The following BEST2 variants were observed in gnomAD, a reference collection of about 807,000 sequenced individuals.
BEST2 encodes bestrophin 2.
Under a neutral mutation model 49.0 loss-of-function variants are expected in BEST2, and 36 were observed. That is an observed-to-expected ratio of 0.73 (90% CI 0.56 to 0.97). BEST2 has a LOEUF of 0.97. Ranked by LOEUF, BEST2 falls within the 50% of genes least tolerant of loss-of-function variation. The pLI, the probability that BEST2 is intolerant of heterozygous loss-of-function variation, is 0.00. For synonymous variants in BEST2, 335 were observed against 304.4 expected, an observed-to-expected ratio of 1.10 and a Z score of -1.05; for missense variants, 672 against 710.0, an observed-to-expected ratio of 0.95 and a Z score of 0.61.
In BEST2 at chr19:12,757,927, C is replaced by G. The variant is rs765795610; in HGVS notation, c.1380C>G (p.Pro460=). 9 of 1,569,702 alleles carry G rather than the reference C, an allele frequency of 5.7e-6. No individual in the cohort carries two copies. The highest frequency in any genetic ancestry group is 7.8e-6 in the Non-Finnish European group (9 of 1,159,528). Residue 460 remains proline (P), a synonymous_variant, in exon 10 of 10, where the codon CCC becomes CCG. Transcript: ENST00000553030. ...TGCTCGACCCCGGCCTGCCGGAGCC[C>G]GAGGCCCCGCCCCCTGCGGGTCCCG... ...DPLLDPGLPE[P]EAPPPAGPEP... is the part of the protein sequence containing the mutation.
Position 12,755,229 on chromosome 19 carries a change from C to A in BEST2, c.637-150C>A. 1 of 1,021,398 alleles carries A rather than the reference C, an allele frequency of 9.8e-7. No individual in the cohort carries two copies. 63.3% of individuals were successfully genotyped at this position (1,021,398 alleles called of 1,614,324 possible). On this transcript the variant is annotated intron_variant, in intron 5 of 9. Transcript: ENST00000553030. The surrounding 1 kb of genome is among the most constrained non-coding windows in gnomAD (Gnocchi z 4.4). ...GTGCATGGTACCTCATCCAGGTGCA[C>A]ACTCACCACCAAATACCCTCCCTGG...
At position 12,755,577 on chromosome 19, in the gene BEST2, C is replaced by T. The variant is rs777847305; in HGVS notation, c.715-38C>T. 6.8e-5 allele frequency: 110 copies of T among 1,609,214 alleles called. No individual in the cohort carries two copies. The highest frequency in any genetic ancestry group is 9.2e-5 in the Non-Finnish European group (108 of 1,176,830). ...ATGATGCCTAATCCTAGCCTTGGAC[C>T]CCAATGACCCCCCTGAGCCCTGCCC... On this transcript the variant is annotated intron_variant, in intron 6 of 9. Coordinates refer to ENST00000553030, the MANE Select transcript of BEST2 (RefSeq NM_017682.3). This position sits in a 1 kb window ranked among gnomAD's most constrained non-coding sequence, Gnocchi z 4.4.
At chr19:12,752,518 G>A (rs1045901047) in intron 1 of BEST2, 24 bp from the exon 2 acceptor site, 53 of 1,477,552 alleles carry the variant, frequency 3.6e-5, no homozygotes, top group African/African-American at 1.2e-4. Flanking sequence ...AGTTATCCCC[G>A]CACCTCTCCA....
chr19:12,755,975 C>T lies in BEST2; in HGVS notation c.948+40C>T. 6.2e-7 allele frequency: 1 copy of T among 1,603,626 alleles called. No individual in the cohort carries two copies. The highest frequency in any genetic ancestry group is 1.1e-5 in the South Asian group (1 of 90,724). On this transcript the variant is annotated intron_variant, in intron 8 of 9. Transcript: ENST00000553030. The surrounding 1 kb of genome is among the most constrained non-coding windows in gnomAD (Gnocchi z 4.4). ...CCAGGTGAGACTTCCAGGTGGCGAC[C>T]ATCCCGGAGTGCCCAACAGGGTTCT...
At chr19:12,757,493 A>T (rs1324817047) in intron 9 of BEST2, among the ~76,000 whole-genome samples, 158 bp from the exon 10 acceptor site, 1 of 152,256 alleles carries the variant, frequency 6.6e-6, no homozygotes, top group Non-Finnish European at 1.5e-5. Context: ...GTTGAAGTGC[A>T]AACACAGGGT....
rs764109442 is a variant in BEST2, at chr19:12,755,647, G to A, written c.747G>A (p.Leu249=). Residue 249 remains leucine (L), a synonymous_variant, in exon 7 of 10, where the codon CTG becomes CTA. Transcript: ENST00000553030. This position sits in a 1 kb window ranked among gnomAD's most constrained non-coding sequence, Gnocchi z 4.4. The stretch of plus-strand genomic sequence containing the variant: ...CCATCGCACTGTACAGCTACTTCCT[G>A]GCTTGCCTCATTGGTCGCCAGTTCC... ...VVTIALYSYF[L]ACLIGRQFLD... is the part of the protein sequence containing the mutation. The A allele has an allele frequency of 2.5e-6, 4 of 1,613,838 alleles. No individual in the cohort carries two copies. Among genetic ancestry groups the A allele is most frequent in the Admixed American group, 1.7e-5 (1 of 59,984 alleles).
Position 12,752,695 on chromosome 19 carries a change from G to T in BEST2, c.103G>T (p.Glu35Ter), listed in dbSNP as rs1419675927. Residue 35 changes from glutamate to a stop codon, truncating the protein, a stop_gained, in exon 2 of 10, where the codon GAG becomes TAG. Transcript: ENST00000553030. LOFTEE classifies it high-confidence loss of function. Reference protein sequence around the residue: ...RGSIYKLLWRELLCFLGFYMA... With the variant: ...RGSIYKLLWR Reference sequence around the variant, plus strand: ...GAGCATCTACAAACTCCTGTGGCGAGAGCTGCTCTGCTTCCTTGGGTTCTA... The same window carrying T: ...GAGCATCTACAAACTCCTGTGGCGATAGCTGCTCTGCTTCCTTGGGTTCTA... The T allele has an allele frequency of 3.7e-6, 6 of 1,612,296 alleles. No homozygotes were observed. Among genetic ancestry groups the T allele is most frequent in the Non-Finnish European group, 5.1e-6 (6 of 1,179,814 alleles).
At position 12,756,100 on chromosome 19, in the gene BEST2, T is replaced by C. The variant is rs1025961429; in HGVS notation, c.949-41T>C. 7.4e-6 allele frequency: 12 copies of C among 1,612,228 alleles called. No homozygotes were observed. The Admixed American group carries it at 1.0e-4, about 13-fold the overall frequency. ...GGGTCCACCCTGTGGTCCCGGCGGG[T>C]TGCCCTGCCCCCACTTTACCCTGTG... On this transcript the variant is annotated intron_variant, in intron 8 of 9. Transcript: ENST00000553030.
At position 12,755,541 on chromosome 19, in the gene BEST2, C is replaced by A. The variant is rs985412112; in HGVS notation, c.715-74C>A. On this transcript the variant is annotated intron_variant, in intron 6 of 9. Transcript: ENST00000553030. The surrounding 1 kb of genome is among the most constrained non-coding windows in gnomAD (Gnocchi z 4.4). Reference sequence around the variant, plus strand: ...AGGGGAAACCAAGAACTAGCTAAGACCCCCATCATAATGATGCCTAATCCT... The same window carrying A: ...AGGGGAAACCAAGAACTAGCTAAGAACCCCATCATAATGATGCCTAATCCT... 4 of 1,606,782 alleles carry A rather than the reference C, an allele frequency of 2.5e-6. No individual in the cohort carries two copies. The highest frequency in any genetic ancestry group is 1.3e-5 in the African/African-American group (1 of 74,724).
In BEST2 at chr19:12,755,355, C is replaced by G. The variant is rs1298718611; in HGVS notation, c.637-24C>G. ...TGTGTGAGCTCACCATTCAGGCCTC[C>G]TCATGACCTGTATCCACCCCCAGGA... On this transcript the variant is annotated intron_variant, in intron 5 of 9. Coordinates refer to ENST00000553030, the MANE Select transcript of BEST2 (RefSeq NM_017682.3). This position sits in a 1 kb window ranked among gnomAD's most constrained non-coding sequence, Gnocchi z 4.4. 7 of 1,612,390 alleles carry G rather than the reference C, an allele frequency of 4.3e-6. No individual in the cohort carries two copies.
At position 12,754,650 on chromosome 19, in the gene BEST2, G is replaced by A; in HGVS notation, c.346G>A (p.Gly116Arg). 1.3e-6 allele frequency: 2 copies of A among 1,560,282 alleles called. No homozygotes were observed. Among genetic ancestry groups the A allele is most frequent in the Non-Finnish European group, 1.7e-6 (2 of 1,151,722 alleles). The change falls in exon 4 of 10, where the codon GGA (glycine) becomes AGA (arginine). Residue 116 changes from glycine (G) to arginine (R), a missense_variant. By Grantham distance (125) the Gly-to-Arg change is moderately radical (BLOSUM62 -2). Transcript: ENST00000553030. The part of the protein sequence containing the change: ...LMCVVAGTVH[G>R]RDDRGRLYRR... ...GTGCGTGGTGGCGGGCACCGTGCAC[G>A]GACGCGACGACCGCGGCCGCCTCTA...
rs768315666 is a variant in BEST2 at position 12,755,677 on chromosome 19, C to A, written c.777C>A (p.Asp259Glu). ...LACLIGRQFL[D>E]PAQGYKDHDL... ...GCCTCATTGGTCGCCAGTTCCTGGA[C>A]CCGGCTCAGGGTTACAAAGACCACG... Residue 259 changes from aspartate to glutamate, a missense_variant, in exon 7 of 10, where the codon GAC (aspartate) becomes GAA (glutamate). Coordinates refer to ENST00000553030, the MANE Select transcript of BEST2 (RefSeq NM_017682.3). The surrounding 1 kb of genome is among the most constrained non-coding windows in gnomAD (Gnocchi z 4.4). 6.2e-7 allele frequency: 1 copy of A among 1,614,076 alleles called. No homozygotes were observed. The highest frequency in any genetic ancestry group is 8.5e-7 in the Non-Finnish European group (1 of 1,180,038).
At chr19:12,753,784 A>C (rs1967900702) in intron 3 of BEST2, among the ~76,000 whole-genome samples, 1 of 152,046 alleles carries the variant, frequency 6.6e-6, no homozygotes, top group Non-Finnish European at 1.5e-5. Flanking sequence ...AGCCTGCCCA[A>C]GGCTCCCTGA....
chr19:12,752,808 A>G (rs1967886963), intron 2 of BEST2, 64 bp downstream of exon 2: 4 of 1,091,624 alleles, frequency 3.7e-6, no homozygotes, highest in Non-Finnish European at 4.6e-6. Context: ...TATATATAAT[A>G]TATAAAAATT....
In BEST2 at chr19:12,757,836, G is replaced by C; in HGVS notation, c.1289G>C (p.Gly430Ala). 1 of 1,549,102 alleles carries C rather than the reference G, an allele frequency of 6.5e-7. No homozygotes were observed. Among genetic ancestry groups the C allele is most frequent in the Non-Finnish European group, 8.7e-7 (1 of 1,146,658 alleles). The change falls in exon 10 of 10, where the codon GGG becomes GCG. Residue 430 changes from glycine to alanine, a missense_variant. Physicochemically the swap from Gly to Ala is moderately conservative, Grantham distance 60 (BLOSUM62 0). Around this residue, in one of 3 missense-constraint regions of BEST2, gnomAD observed 291 missense variants for 279.8 expected, o/e 1.04. Coordinates refer to ENST00000553030, the MANE Select transcript of BEST2 (RefSeq NM_017682.3). Reference protein sequence around the residue: ...KNSCVSEASTGASCSCAVVPE... With the variant: ...KNSCVSEASTAASCSCAVVPE... ...AGCTGCGTGTCGGAGGCGTCTACTG[G>C]GGCCAGCTGCTCATGCGCGGTTGTC... is the stretch of plus-strand genomic sequence containing the variant.
At chr19:12,754,139 G>A (rs1057229507) in intron 3 of BEST2, among the ~76,000 whole-genome samples, 2 of 137,078 alleles carry the variant, frequency 1.5e-5, no homozygotes, top group African/African-American at 2.9e-5. Context: ...GCAATGGTGC[G>A]ATCTCAGCTC....
chr19:12,753,346 T>C lies in BEST2; in HGVS notation c.239T>C (p.Phe80Ser), dbSNP rs1234084795. ...TATGCCAGCCTCATCCCTGTCTCCT[T>C]CGTGCTTGGTGCGGTCCAACCCCAA... Reference protein sequence around the residue: ...DQYASLIPVSFVLGFYVTLVV... With the variant: ...DQYASLIPVSSVLGFYVTLVV... The change falls in exon 3 of 10, where the codon TTC becomes TCC. Residue 80 changes from phenylalanine to serine, a missense_variant. By Grantham distance (155) the Phe-to-Ser change is radical. This residue lies in a region of BEST2 where 365 missense variants were observed against 390.9 expected (regional missense o/e 0.93). Transcript: ENST00000553030. The C allele has an allele frequency of 1.2e-6, 2 of 1,614,120 alleles. No homozygotes were observed. Among genetic ancestry groups the C allele is most frequent in the Admixed American group, 3.3e-5 (2 of 60,026 alleles).
Position 12,752,566 on chromosome 19 carries a change from C to A in BEST2, c.-27C>A. 6.2e-7 allele frequency: 1 copy of A among 1,609,214 alleles called. No homozygotes were observed. The highest frequency in any genetic ancestry group is 8.5e-7 in the Non-Finnish European group (1 of 1,178,570). ...GCCCCCACCCGGGCCACCCACTCTC[C>A]CTTGGCCACACCTGCCGGGTGCCAC... On this transcript the variant is annotated 5_prime_UTR_variant, in exon 2 of 10. Transcript: ENST00000553030.
intron 9 of BEST2, 136 bp downstream of exon 9, chr19:12,756,431 A>G: frequency 1.6e-6 from 2 of 1,234,350 alleles, no homozygotes. Context: ...TGATAACGCC[A>G]GAAGCTAAGA....
Sources: gnomAD v4.1 joint callset for allele counts (sites outside exome capture counted in the v4.1 genomes callset) on GRCh38, gnomAD v4.1.1 for gene constraint, gnomAD v4.1.1 regional missense constraint, Gnocchi (gnomAD v3.1) non-coding constraint, MANE v1.5 for transcripts, NCBI Gene and HGNC (gene_info 2026-07-23, HGNC 2026-07-21) for gene names.